ESRRG: variants seen among roughly 807,000 people sequenced by gnomAD.
ESRRG encodes estrogen related receptor gamma.
Under a neutral mutation model 44.0 loss-of-function variants are expected in ESRRG, and 13 were observed. That is an observed-to-expected ratio of 0.30 (90% CI 0.19 to 0.47). The LOEUF (loss-of-function observed/expected upper bound fraction) is 0.47. Among genes scored for constraint, ESRRG ranks in the 20% least tolerant of loss-of-function variants. The pLI is 1.00. For missense variants in ESRRG, 395 were observed against 580.6 expected (o/e 0.68, Z 3.29); for synonymous variants, 215 against 214.6 (o/e 1.00, Z -0.02).
At chr1:216,687,432 TGTTA>T (rs1382509265) in intron 1 of ESRRG, among the ~76,000 whole-genome samples, 2 of 152,214 alleles carry the variant, frequency 1.3e-5, no homozygotes, top group African/African-American at 4.8e-5. Flanking sequence ...TTCTACCAAC[TGTTA>T]GTTGCTCGCT....
Position 216,871,023 on chromosome 1 carries a change from A to G in ESRRG, c.-14+68559T>C, listed in dbSNP as rs140757109. ...TCTTTATGAGTATACTCTTCATTCT[A>G]CTTACTTTCAGTTTATTTAGCTCTT... On this transcript the variant is annotated intron_variant, in intron 2 of 7. Coordinates refer to the ESRRG transcript ENST00000359162. Among the ~76,000 whole-genome samples the G allele has an allele frequency of 4.1e-3, 629 of 152,006 alleles. 4 individuals are homozygous for G. Among genetic ancestry groups the G allele is most frequent in the South Asian group, 0.012 (59 of 4,826 alleles).
intron 1 of ESRRG, among the ~76,000 whole-genome samples, chr1:217,056,271 G>A (rs993910949): frequency 1.3e-5 from 2 of 152,052 alleles, no homozygotes; most frequent in African/African-American, 2.4e-5. Flanking sequence ...GGATTAGGGT[G>A]TTTGTTAGCT....
chr1:216,817,923 G>A (rs1199093009), intron 2 of ESRRG, among the ~76,000 whole-genome samples: 1 of 140,478 alleles, frequency 7.1e-6, no homozygotes, highest in Non-Finnish European at 1.6e-5. Context: ...CAATTCTTCA[G>A]GGCTTTTTTT....
At chr1:217,034,002 A>G (rs1367342195) in intron 1 of ESRRG, among the ~76,000 whole-genome samples, 1 of 152,200 alleles carries the variant, frequency 6.6e-6, no homozygotes, top group South Asian at 2.1e-4. Context: ...TTATCTGAAC[A>G]TCTAGAACTG....
At chr1:216,670,491 A>T (rs568346536) in intron 2 of ESRRG, among the ~76,000 whole-genome samples, 98 of 152,330 alleles carry the variant, frequency 6.4e-4, no homozygotes, top group African/African-American at 2.3e-3. Flanking sequence ...TAGAAGGTAT[A>T]CGTAGCACAA....
intron 3 of ESRRG, among the ~76,000 whole-genome samples, chr1:216,607,792 T>C (rs1380329780): frequency 6.6e-6 from 1 of 152,232 alleles, no homozygotes; most frequent in Non-Finnish European, 1.5e-5. Flanking sequence ...CTGAATATCA[T>C]AATCCTTGCA....
chr1:216,750,758 A>AT (rs2091927673), intron 2 of ESRRG, among the ~76,000 whole-genome samples: 1 of 102,500 alleles, frequency 9.8e-6, no homozygotes, highest in African/African-American at 3.3e-5. Flanking sequence ...AGAGTTATTT[A>AT]CCTTTTTTTA....
At chr1:216,531,835 C>T (rs534591310) in intron 5 of ESRRG, among the ~76,000 whole-genome samples, 2 of 152,234 alleles carry the variant, frequency 1.3e-5, no homozygotes, top group Admixed American at 1.3e-4. Context: ...AGCAGTCCCT[C>T]TAACCTTCCC....
chr1:217,129,559 G>T (rs1264485103), intron 1 of ESRRG, among the ~76,000 whole-genome samples: 1 of 152,182 alleles, frequency 6.6e-6, no homozygotes, highest in Admixed American at 6.5e-5. Flanking sequence ...ATCAGCTGAT[G>T]AATGTGTAAA....
intron 2 of ESRRG, among the ~76,000 whole-genome samples, chr1:216,752,918 C>T (rs969668381): frequency 2.0e-5 from 3 of 151,926 alleles, no homozygotes; most frequent in Admixed American, 1.3e-4. Context: ...GTGATTAGAA[C>T]AGAACTGTTT....
At chr1:216,726,487 A>C (rs1000698178), upstream of ESRRG, among the ~76,000 whole-genome samples, 2 of 152,172 alleles carry the variant, frequency 1.3e-5, no homozygotes, top group Admixed American at 1.3e-4. Context: ...GCCATGAGTA[A>C]TACTGAGCTT....
intron 5 of ESRRG, among the ~76,000 whole-genome samples, chr1:216,554,594 C>G (rs1407775620): frequency 1.3e-5 from 2 of 152,168 alleles, no homozygotes; most frequent in East Asian, 3.9e-4. Context: ...TATGATCATG[C>G]CACTGCATTC....
At chr1:216,675,176 T>C (rs2151460167) in intron 2 of ESRRG, among the ~76,000 whole-genome samples, 1 of 151,692 alleles carries the variant, frequency 6.6e-6, no homozygotes, top group South Asian at 2.1e-4. Context: ...GCCTGGCCAA[T>C]GTGGTGAAAC....
chr1:216,993,498 G>A (rs1250365120), intron 1 of ESRRG, among the ~76,000 whole-genome samples: 2 of 152,156 alleles, frequency 1.3e-5, no homozygotes, highest in Non-Finnish European at 2.9e-5. Context: ...AGCAGAGACA[G>A]TTGGATTTAA....
chr1:216,988,850 T>C (rs1444911891), intron 1 of ESRRG, among the ~76,000 whole-genome samples: 1 of 152,204 alleles, frequency 6.6e-6, no homozygotes, highest in Non-Finnish European at 1.5e-5. Flanking sequence ...TATTATGACG[T>C]TCAGACAAAA....
chr1:216,842,730 G>A (rs1004052400), intron 2 of ESRRG, among the ~76,000 whole-genome samples: 1 of 152,098 alleles, frequency 6.6e-6, no homozygotes, highest in Non-Finnish European at 1.5e-5. Context: ...CTACCCATTG[G>A]CAGGAAAGCA....
At chr1:216,797,318 G>C (rs2148219410) in intron 2 of ESRRG, among the ~76,000 whole-genome samples, 1 of 152,090 alleles carries the variant, frequency 6.6e-6, no homozygotes. Context: ...TTCTTCTTCT[G>C]TTTCAGGATC....
intron 5 of ESRRG, among the ~76,000 whole-genome samples, chr1:216,554,770 A>G (rs2057170876): frequency 6.6e-6 from 1 of 152,192 alleles, no homozygotes; most frequent in South Asian, 2.1e-4. Context: ...AGTTAAAGGG[A>G]GAATAGTGCT....
chr1:216,905,723 A>G (rs1433300555), intron 2 of ESRRG, among the ~76,000 whole-genome samples: 1 of 152,100 alleles, frequency 6.6e-6, no homozygotes, highest in Non-Finnish European at 1.5e-5. Flanking sequence ...ATACTAATAT[A>G]CCTGTTAAAT....
Sources: allele counts gnomAD v4.1 joint callset (sites outside exome capture counted in the v4.1 genomes callset), GRCh38; gene constraint gnomAD v4.1.1; transcripts MANE v1.5; gene names NCBI Gene and HGNC (gene_info 2026-07-23, HGNC 2026-07-21).